The following SHOC1 variants were observed in gnomAD, a reference collection of about 807,000 sequenced individuals.
SHOC1 encodes protein shortage in chiasmata 1 ortholog.
SHOC1 carries 136 observed loss-of-function variants against 179.2 expected under a neutral mutation model. That is an observed-to-expected ratio of 0.76 (90% CI 0.66 to 0.87). The LOEUF is 0.87. Ranked by LOEUF, SHOC1 falls within the 40% of genes least tolerant of loss-of-function variation. The pLI, the probability that SHOC1 is intolerant of heterozygous loss-of-function variation, is 0.00. For missense variants in SHOC1, 1,538 were observed against 1,700.8 expected, an observed-to-expected ratio of 0.90 and a Z score of 1.68; for synonymous variants, 489 against 586.6, an observed-to-expected ratio of 0.83 and a Z score of 2.41.
chr9:111,788,633 G>A (rs545897693), intron 2 of SHOC1, among the ~76,000 whole-genome samples: 5 of 152,208 alleles, frequency 3.3e-5, no homozygotes, highest in African/African-American at 9.6e-5. Context: ...GACAAAAAAC[G>A]GGATGACATC....
At position 111,756,347 on chromosome 9, in the gene SHOC1, T is replaced by C. The variant is rs770935811; in HGVS notation, c.840A>G (p.Glu280=). 4.4e-6 allele frequency: 7 copies of C among 1,594,986 alleles called. No homozygotes were observed. The highest frequency in any genetic ancestry group is 6.0e-6 in the Non-Finnish European group (7 of 1,174,526). The change falls in exon 8 of 28, where the codon GAA becomes GAG. Residue 280 remains glutamate, a synonymous_variant. Coordinates refer to ENST00000682961, the MANE Select transcript of SHOC1 (RefSeq NM_001378211.1). ...PVPEIINYVD[E]KEKLFERDLT... Reference sequence around the variant, plus strand: ...CACCTCTTTCAAAAAGCTTTTCCTTTTCATCTACATAGTTTATTATTTCTG... The same window carrying C: ...CACCTCTTTCAAAAAGCTTTTCCTTCTCATCTACATAGTTTATTATTTCTG...
At chr9:111,770,291 G>C (rs1434756969) in intron 5 of SHOC1, among the ~76,000 whole-genome samples, 1 of 151,792 alleles carries the variant, frequency 6.6e-6, no homozygotes, top group African/African-American at 2.4e-5. Context: ...GGCCATTTAA[G>C]ACCATGTTGT....
chr9:111,746,403 G>GAGCCACCACGCCTA, intron 9 of SHOC1, 61 bp from the exon 10 acceptor site: 3 of 1,068,996 alleles, frequency 2.8e-6, no homozygotes, highest in African/African-American at 1.6e-5. Flanking sequence ...GGCTAGGCGT[G>GAGCCACCACGCCTA]GTGGCTCACA....
At chr9:111,702,082 T>C in intron 23 of SHOC1, 23 bp downstream of exon 23, 1 of 1,444,768 alleles carries the variant, frequency 6.9e-7, no homozygotes, top group South Asian at 1.3e-5. Context: ...AACATAACTT[T>C]GGATGAAGAA....
chr9:111,731,584 G>A (rs553253269), intron 12 of SHOC1, among the ~76,000 whole-genome samples: 1 of 151,972 alleles, frequency 6.6e-6, no homozygotes, highest in Non-Finnish European at 1.5e-5. Context: ...AGGGTCTATG[G>A]CACCCCAAAA....
chr9:111,769,975 G>GTTTTTTTTTTTTTTTTTTTTTT lies in SHOC1; in HGVS notation c.442+5815_442+5816insAAAAAAAAAAAAAAAAAAAAAA. On this transcript the variant is annotated intron_variant, in intron 5 of 27. Coordinates refer to ENST00000682961, the MANE Select transcript of SHOC1 (RefSeq NM_001378211.1). ...AATCTAGCGAAAGGTTTTATCTTCTGTTTTTTTTTTGTTTTTTTTTTTTTT... is the reference window on the plus strand; with the variant it reads ...AATCTAGCGAAAGGTTTTATCTTCTGTTTTTTTTTTTTTTTTTTTTTTTTTTTTTTTTGTTTTTTTTTTTTTT... Among the ~76,000 whole-genome samples the GTTTTTTTTTTTTTTTTTTTTTT allele has an allele frequency of 5.0e-4, 44 of 87,792 alleles. 3 individuals carry two copies. The highest frequency in any genetic ancestry group is 8.1e-4 in the Non-Finnish European group (37 of 45,746). The allele number at this position is 87,792 out of a possible 152,430, so 57.6% of individuals were successfully genotyped here. A position where few individuals can be genotyped will look rare whatever the true frequency, so the allele number is the denominator to read the frequency against.
intron 17 of SHOC1, among the ~76,000 whole-genome samples, 193 bp from the exon 18 acceptor site, chr9:111,713,365 G>A (rs908105337): frequency 2.6e-5 from 4 of 152,158 alleles, no homozygotes; most frequent in Non-Finnish European, 5.9e-5. Context: ...TCAAATATCA[G>A]TGAAGAAAAT....
intron 5 of SHOC1, among the ~76,000 whole-genome samples, chr9:111,761,113 A>G (rs1380425355): frequency 6.6e-6 from 1 of 152,178 alleles, no homozygotes; most frequent in Admixed American, 6.5e-5. Flanking sequence ...GAAAGAAAGG[A>G]CTATTTCATA....
At chr9:111,737,566 A>G (rs1330607585) in intron 12 of SHOC1, among the ~76,000 whole-genome samples, 1 of 151,922 alleles carries the variant, frequency 6.6e-6, no homozygotes, top group Non-Finnish European at 1.5e-5. Flanking sequence ...AGGCTGAGGC[A>G]GGAGAATCAC....
At chr9:111,706,812 A>T in intron 19 of SHOC1, 66 bp from the exon 20 acceptor site, 1 of 1,122,264 alleles carries the variant, frequency 8.9e-7, no homozygotes, top group Non-Finnish European at 1.2e-6. Context: ...GAACTATTAA[A>T]AGATGACTGT....
At chr9:111,743,049 T>C (rs990511896) in intron 10 of SHOC1, among the ~76,000 whole-genome samples, 2 of 152,228 alleles carry the variant, frequency 1.3e-5, no homozygotes, top group Non-Finnish European at 2.9e-5. Flanking sequence ...TACAGACTTT[T>C]CTTTTTTAGC....
intron 12 of SHOC1, among the ~76,000 whole-genome samples, chr9:111,736,748 C>G (rs1833829092): frequency 6.6e-6 from 1 of 151,928 alleles, no homozygotes; most frequent in Admixed American, 6.6e-5. Context: ...TTCTGCACAG[C>G]AAAAGAAACT....
At chr9:111,686,939 C>CTTTTTTTTTTT (rs10537471) in intron 27 of SHOC1, 69 bp from the exon 28 acceptor site, 2 of 520,860 alleles carry the variant, frequency 3.8e-6, no homozygotes, top group Non-Finnish European at 6.0e-6. Context: ...TTTTCTTTTC[C>CTTTTTTTTTTT]TTTTTTTTTT....
rs761687525 is a variant in SHOC1, at chr9:111,707,942, A to G, written c.2489-18T>C. 1 of 1,460,344 alleles carries G rather than the reference A, an allele frequency of 6.8e-7. No individual in the cohort carries two copies. The highest frequency in any genetic ancestry group is 1.3e-5 in the South Asian group (1 of 74,730). The allele number at this position is 1,460,344 out of a possible 1,614,324, so 90.5% of individuals were successfully genotyped here. ...TGTTAAACCTGTTGGAAAAAAGAAT[A>G]ATTTTTTTCAGTGTCTTGTTCAGAT... On this transcript the variant is annotated intron_variant, in intron 18 of 27. Transcript: ENST00000682961.
intron 19 of SHOC1, 51 bp downstream of exon 19, chr9:111,707,803 TC>T: frequency 8.1e-7 from 1 of 1,237,896 alleles, no homozygotes; most frequent in Non-Finnish European, 1.2e-6. Flanking sequence ...ATTTTGCTTT[TC>T]CTGTGAAACT....
chr9:111,781,216 C>T (rs1836027727), intron 3 of SHOC1, 199 bp from the exon 4 acceptor site: 3 of 542,208 alleles, frequency 5.5e-6, no homozygotes, highest in East Asian at 6.4e-5. Flanking sequence ...CAATCAACTA[C>T]AGTTAGAACA....
intron 20 of SHOC1, among the ~76,000 whole-genome samples, 169 bp downstream of exon 20, chr9:111,706,399 G>C (rs1242197405): frequency 6.6e-6 from 1 of 152,084 alleles, no homozygotes; most frequent in African/African-American, 2.4e-5. Context: ...GGACTACGAG[G>C]TAAGAGACAG....
In SHOC1 at chr9:111,788,192, A is replaced by G. The variant is rs187755855; in HGVS notation, c.46-2157T>C. On this transcript the variant is annotated intron_variant, in intron 2 of 27. Coordinates refer to ENST00000682961, the MANE Select transcript of SHOC1 (RefSeq NM_001378211.1). ...AGCTGCACTCCAGCCTGGATGACAC[A>G]GCGAGACTCCATCTCAAAAACACAA... is the stretch of plus-strand genomic sequence containing the variant. 5.5e-3 allele frequency among the ~76,000 whole-genome samples: 823 copies of G among 149,736 alleles called. 3 individuals carry two copies. The highest frequency in any genetic ancestry group is 0.014 in the Middle Eastern group (4 of 294).
At chr9:111,732,429 A>G (rs1833616945) in intron 12 of SHOC1, among the ~76,000 whole-genome samples, 1 of 152,194 alleles carries the variant, frequency 6.6e-6, no homozygotes, top group South Asian at 2.1e-4. Flanking sequence ...AAATTTAAAG[A>G]GAGAAATAAC....
Sources: allele counts gnomAD v4.1 joint callset (sites outside exome capture counted in the v4.1 genomes callset), GRCh38; gene constraint gnomAD v4.1.1; transcripts MANE v1.5; gene names NCBI Gene and HGNC (gene_info 2026-07-23, HGNC 2026-07-21).